The following TMEM38A variants were observed in gnomAD, a reference collection of about 807,000 sequenced individuals.
The protein encoded by TMEM38A is transmembrane protein 38A.
TMEM38A carries 17 observed loss-of-function variants against 28.6 expected under a neutral mutation model. The observed-to-expected ratio is 0.60, with a 90% CI of 0.41 to 0.89. The LOEUF (loss-of-function observed/expected upper bound fraction) is 0.89. Among genes scored for constraint, TMEM38A ranks in the 40% least tolerant of loss-of-function variants. The pLI is 0.00. For synonymous variants in TMEM38A, 169 were observed against 166.1 expected, an observed-to-expected ratio of 1.02 and a Z score of -0.14; for missense variants, 328 against 393.1, an observed-to-expected ratio of 0.83 and a Z score of 1.40.
At chr19:16,681,189 G>A (rs1360788469) in intron 3 of TMEM38A, among the ~76,000 whole-genome samples, 1 of 152,206 alleles carries the variant, frequency 6.6e-6, no homozygotes, top group African/African-American at 2.4e-5. Flanking sequence ...TCAGGAGGCT[G>A]AGGTGGGAGG....
At chr19:16,670,997 G>A (rs2086724922) in intron 1 of TMEM38A, among the ~76,000 whole-genome samples, 1 of 151,954 alleles carries the variant, frequency 6.6e-6, no homozygotes, top group African/African-American at 2.4e-5. Flanking sequence ...CAGGCAAAGG[G>A]GGATAGTTGG....
chr19:16,670,317 C>T lies in TMEM38A; in HGVS notation c.124+8976C>T, dbSNP rs1361554635. The stretch of plus-strand genomic sequence containing the variant: ...GAGACAGAGTTTTGCTCCTATTTCC[C>T]AGGTTGGAGTGCAGTGGCATGATCT... On this transcript the variant is annotated intron_variant, in intron 1 of 5. Coordinates refer to ENST00000187762, the MANE Select transcript of TMEM38A (RefSeq NM_024074.4). 2.0e-5 allele frequency among the ~76,000 whole-genome samples: 3 copies of T among 150,892 alleles called. No individual in the cohort carries two copies. The East Asian group carries it at 5.8e-4, about 29-fold the overall frequency.
intron 1 of TMEM38A, among the ~76,000 whole-genome samples, chr19:16,679,439 G>T (rs1216571072): frequency 6.6e-6 from 1 of 152,032 alleles, no homozygotes; most frequent in Non-Finnish European, 1.5e-5. Context: ...GGGATTACAG[G>T]CATGCACTAC....
Position 16,688,300 on chromosome 19 carries a change from G to T in TMEM38A, c.829G>T (p.Ala277Ser). ...SGGGPGAQHS[A>S]MPAKSKEELS... ...TGGTGGGCCAGGAGCTCAGCATTCG[G>T]CCATGCCCGCCAAGTCCAAGGAGGA... Residue 277 changes from alanine (A) to serine (S), a missense_variant, in exon 6 of 6, where the codon GCC (alanine) becomes TCC (serine). Physicochemically the swap from Ala to Ser is moderately conservative, Grantham distance 99. Coordinates refer to ENST00000187762, the MANE Select transcript of TMEM38A (RefSeq NM_024074.4). 6.2e-7 allele frequency: 1 copy of T among 1,609,048 alleles called. No individual in the cohort carries two copies. Among genetic ancestry groups the T allele is most frequent in the Non-Finnish European group, 8.5e-7 (1 of 1,177,758 alleles).
intron 4 of TMEM38A, among the ~76,000 whole-genome samples, chr19:16,683,340 G>A (rs1477892478): frequency 6.6e-6 from 1 of 152,038 alleles, no homozygotes; most frequent in Non-Finnish European, 1.5e-5. Flanking sequence ...TGTAATCTCT[G>A]CACTTTGGGA....
At chr19:16,680,344 C>T (rs1192945826) in intron 2 of TMEM38A, 53 bp from the exon 3 acceptor site, 2 of 1,598,436 alleles carry the variant, frequency 1.3e-6, no homozygotes, top group South Asian at 1.1e-5. Context: ...CTCCCTACCC[C>T]CATCCTTCAC....
rs1012362554 is a variant in TMEM38A at position 16,688,864 on chromosome 19, A to T, written c.*493A>T. 1.3e-5 allele frequency: 2 copies of T among 152,198 alleles called. No homozygotes were observed. The highest frequency in any genetic ancestry group is 4.8e-5 in the African/African-American group (2 of 41,414). 9.4% of individuals were successfully genotyped at this position (152,198 alleles called of 1,614,324 possible). A position where few individuals can be genotyped will look rare whatever the true frequency, so the allele number is the denominator to read the frequency against. On this transcript the variant is annotated 3_prime_UTR_variant, in exon 6 of 6. Transcript: ENST00000187762. ...AAAAATTAGCCAGACGTGGTGGTGCACGCCTTTAATCCCAGCTACTCGGGA... is the reference window on the plus strand; with the variant it reads ...AAAAATTAGCCAGACGTGGTGGTGCTCGCCTTTAATCCCAGCTACTCGGGA...
At chr19:16,683,064 C>T (rs905016164) in intron 4 of TMEM38A, among the ~76,000 whole-genome samples, 11 of 152,150 alleles carry the variant, frequency 7.2e-5, no homozygotes, top group Non-Finnish European at 1.2e-4. Context: ...ACCTCCACCT[C>T]CCAGGTTCAA....
At chr19:16,667,225 C>T (rs1316702716) in intron 1 of TMEM38A, among the ~76,000 whole-genome samples, 2 of 151,256 alleles carry the variant, frequency 1.3e-5, no homozygotes, top group Non-Finnish European at 2.9e-5. Context: ...GCCGAGATTG[C>T]GCCATTGCAC....
At chr19:16,686,684 C>T (rs1031678812) in intron 5 of TMEM38A, among the ~76,000 whole-genome samples, 1 of 152,084 alleles carries the variant, frequency 6.6e-6, no homozygotes, top group African/African-American at 2.4e-5. Context: ...ACCAGAGGGA[C>T]AAGAAGCTGA....
At chr19:16,664,929 G>C (rs1160446610) in intron 1 of TMEM38A, among the ~76,000 whole-genome samples, 1 of 152,102 alleles carries the variant, frequency 6.6e-6, no homozygotes, top group Non-Finnish European at 1.5e-5. Flanking sequence ...GGGAGGTCAA[G>C]GTTGGAAGAT....
intron 4 of TMEM38A, among the ~76,000 whole-genome samples, chr19:16,683,208 A>G (rs2086788698): frequency 6.6e-6 from 1 of 152,098 alleles, no homozygotes; most frequent in Non-Finnish European, 1.5e-5. Context: ...TCCTGACCTC[A>G]AGTGATCTGC....
chr19:16,688,253 A>G lies in TMEM38A; in HGVS notation c.782A>G (p.Asn261Ser), dbSNP rs747966938. The G allele has an allele frequency of 4.4e-6, 7 of 1,602,806 alleles. No individual in the cohort carries two copies. In the Admixed American group the frequency reaches 8.5e-5, roughly 20 times the overall value. Residue 261 changes from asparagine to serine, a missense_variant, in exon 6 of 6, where the codon AAC becomes AGC. Physicochemically the swap from Asn to Ser is conservative, Grantham distance 46. Transcript: ENST00000187762. ...TGCGGGGGTGACCATCACCACGACAACCATGGTGGGTCCCACAGCGGTGGT... is the reference window on the plus strand; with the variant it reads ...TGCGGGGGTGACCATCACCACGACAGCCATGGTGGGTCCCACAGCGGTGGT... The part of the protein sequence containing the change: ...SACGGDHHHD[N>S]HGGSHSGGGP...
At chr19:16,681,578 C>T (rs1285316557) in intron 3 of TMEM38A, among the ~76,000 whole-genome samples, 6 of 152,140 alleles carry the variant, frequency 3.9e-5, no homozygotes, top group African/African-American at 1.4e-4. Context: ...TCGCTTCCTG[C>T]CCACCAGATA....
chr19:16,673,370 C>A (rs117737183), intron 1 of TMEM38A, among the ~76,000 whole-genome samples: 1,778 of 152,298 alleles, frequency 0.012, 23 homozygotes, highest in South Asian at 0.022. Flanking sequence ...CTGCACCCAG[C>A]CTGGTTCACT....
At chr19:16,678,842 A>G (rs1040924355) in intron 1 of TMEM38A, among the ~76,000 whole-genome samples, 3 of 151,238 alleles carry the variant, frequency 2.0e-5, no homozygotes, top group Non-Finnish European at 4.4e-5. Context: ...TTTTTAAGAC[A>G]GCAGGTGTAA....
chr19:16,686,681 G>A (rs2086803508), intron 5 of TMEM38A, among the ~76,000 whole-genome samples: 1 of 152,066 alleles, frequency 6.6e-6, no homozygotes, highest in Non-Finnish European at 1.5e-5. Context: ...GAGACCAGAG[G>A]GACAAGAAGC....
chr19:16,674,631 C>T (rs2086742023), intron 1 of TMEM38A, among the ~76,000 whole-genome samples: 1 of 151,638 alleles, frequency 6.6e-6, no homozygotes, highest in Non-Finnish European at 1.5e-5. Flanking sequence ...GAAAACTTGT[C>T]TCTACTAAAA....
At position 16,688,386 on chromosome 19, in the gene TMEM38A, G is replaced by T. The variant is rs1356719431; in HGVS notation, c.*15G>T. 6.5e-7 allele frequency: 1 copy of T among 1,544,276 alleles called. No homozygotes were observed. The highest frequency in any genetic ancestry group is 8.7e-7 in the Non-Finnish European group (1 of 1,148,908). On this transcript the variant is annotated 3_prime_UTR_variant, in exon 6 of 6. Coordinates refer to ENST00000187762, the MANE Select transcript of TMEM38A (RefSeq NM_024074.4). ...AGGCGGATTAGGGGGTGGCCCAAGGGGCACCGGGGAGAGGACCCGGACCCA... is the reference window on the plus strand; with the variant it reads ...AGGCGGATTAGGGGGTGGCCCAAGGTGCACCGGGGAGAGGACCCGGACCCA...
Sources: gnomAD v4.1 joint callset for allele counts (sites outside exome capture counted in the v4.1 genomes callset) on GRCh38, gnomAD v4.1.1 for gene constraint, MANE v1.5 for transcripts, NCBI Gene and HGNC (gene_info 2026-07-23, HGNC 2026-07-21) for gene names.